The following VPS39 variants were observed in gnomAD, a reference collection of about 807,000 sequenced individuals.
VPS39 encodes VPS39 subunit of HOPS complex.
VPS39 carries 70 observed loss-of-function variants against 121.0 expected under a neutral mutation model. The ratio of observed to expected loss-of-function variants is 0.58; its 90% CI spans 0.48 to 0.71. The LOEUF (loss-of-function observed/expected upper bound fraction) is 0.71. VPS39 is among the 30% of genes least tolerant of loss of function. The pLI is 0.00. For missense variants in VPS39, 818 were observed against 1,051.5 expected (o/e 0.78, Z 3.07); for synonymous variants, 378 against 398.1 (o/e 0.95, Z 0.60).
chr15:42,197,360 A>G (rs1416197689), intron 2 of VPS39, among the ~76,000 whole-genome samples: 4 of 151,754 alleles, frequency 2.6e-5, no homozygotes, highest in African/African-American at 9.7e-5. Context: ...AAAAAAAAAA[A>G]AAGAAAAAAT....
intron 18 of VPS39, 27 bp downstream of exon 18, chr15:42,164,969 C>T (rs750016923): frequency 1.9e-6 from 3 of 1,613,848 alleles, no homozygotes; most frequent in Non-Finnish European, 1.7e-6. Flanking sequence ...GGCCTGGGGC[C>T]AACCGGCTTC....
chr15:42,187,836 C>T lies in VPS39; in HGVS notation c.363G>A (p.Glu121=). Residue 121 remains glutamate, a synonymous_variant, in exon 6 of 25, where the codon GAG becomes GAA. Transcript: ENST00000318006. ...CDLQHTETGE[E]VLRMCVAVKK... is the part of the protein sequence containing the mutation. ...TTACTGCCACACACATCCGTAACAC[C>T]TCCTCACCGGTCTCTGTGTGCTGGG... is the stretch of plus-strand genomic sequence containing the variant. 2.5e-6 allele frequency: 4 copies of T among 1,614,168 alleles called. No homozygotes were observed. Among genetic ancestry groups the T allele is most frequent in the Non-Finnish European group, 3.4e-6 (4 of 1,180,008 alleles).
chr15:42,203,400 G>T (rs369999985), intron 1 of VPS39, among the ~76,000 whole-genome samples: 6 of 152,034 alleles, frequency 3.9e-5, no homozygotes, highest in Non-Finnish European at 8.8e-5. Context: ...CATGAACCCC[G>T]GAGGGAGAGG....
Position 42,178,115 on chromosome 15 carries a change from A to G in VPS39, c.960+103T>C. 6 of 1,508,958 alleles carry G rather than the reference A, an allele frequency of 4.0e-6. No homozygotes were observed. In the South Asian group the frequency reaches 7.4e-5, roughly 19 times the overall value. The allele number at this position is 1,508,958 out of a possible 1,614,324, so 93.5% of individuals were successfully genotyped here. ...TATTCAAGGCCCTGGACTTTCAGCT[A>G]TGTGCTTATTCTACTAACCCAAAAT... On this transcript the variant is annotated intron_variant, in intron 10 of 24. Coordinates refer to ENST00000318006, the MANE Select transcript of VPS39 (RefSeq NM_015289.5).
chr15:42,169,669 A>G, intron 12 of VPS39, 55 bp downstream of exon 12: 1 of 1,525,450 alleles, frequency 6.6e-7, no homozygotes, highest in Non-Finnish European at 8.9e-7. Flanking sequence ...GCCACAAAGA[A>G]ACAAGTACTG....
Position 42,161,958 on chromosome 15 carries a change from G to A in VPS39, c.2460+74C>T, listed in dbSNP as rs141532333. ...CACTGTACAGGCTCTGCCTTGGTCAGAAGGGAACATGTGGACATTGTCTCA... is the reference window on the plus strand; with the variant it reads ...CACTGTACAGGCTCTGCCTTGGTCAAAAGGGAACATGTGGACATTGTCTCA... On this transcript the variant is annotated intron_variant, in intron 23 of 24. Transcript: ENST00000318006. The A allele has an allele frequency of 4.4e-3, 7,081 of 1,604,272 alleles. 35 individuals are homozygous for A. Among genetic ancestry groups the A allele is most frequent in the Middle Eastern group, 0.021 (123 of 5,986 alleles).
intron 24 of VPS39, 43 bp downstream of exon 24, chr15:42,161,639 C>A (rs1004672123): frequency 6.2e-7 from 1 of 1,600,208 alleles, no homozygotes; most frequent in South Asian, 1.1e-5. Context: ...CCCTGGGAAC[C>A]TCCACAAAGC....
At chr15:42,175,981 A>G (rs2049444064) in intron 10 of VPS39, among the ~76,000 whole-genome samples, 1 of 152,196 alleles carries the variant, frequency 6.6e-6, no homozygotes, top group South Asian at 2.1e-4. Flanking sequence ...TCCAGGACTT[A>G]TCAATGCCAA....
Position 42,162,416 on chromosome 15 carries a change from C to T in VPS39, c.2241G>A (p.Lys747=), listed in dbSNP as rs75922043. The T allele has an allele frequency of 6.2e-7, 1 of 1,613,794 alleles. No homozygotes were observed. Among genetic ancestry groups the T allele is most frequent in the Non-Finnish European group, 8.5e-7 (1 of 1,179,900 alleles). ...TGGCTTTTGGCTCCAGTAGTTCCAG[C>T]TTGATTGGCCCCAGGCAGTGAATGC... ...PPSIHCLGPI[K]LELLEPKANL... is the part of the protein sequence containing the mutation. The change falls in exon 22 of 25, where the codon AAG becomes AAA. Residue 747 remains lysine, a synonymous_variant. Transcript: ENST00000318006.
At chr15:42,160,953 C>T in intron 24 of VPS39, 124 bp from the exon 25 acceptor site, 1 of 906,962 alleles carries the variant, frequency 1.1e-6, no homozygotes, top group African/African-American at 1.6e-5. Flanking sequence ...CCACCCAAAC[C>T]TCAAAGAACA....
intron 1 of VPS39, among the ~76,000 whole-genome samples, chr15:42,204,810 T>C (rs890969154): frequency 6.6e-6 from 1 of 152,150 alleles, no homozygotes; most frequent in Admixed American, 6.5e-5. Context: ...TGGGCATCAT[T>C]TTAGTAATTT....
At chr15:42,202,942 TA>T (rs1297489518) in intron 1 of VPS39, among the ~76,000 whole-genome samples, 4 of 152,230 alleles carry the variant, frequency 2.6e-5, no homozygotes, top group Admixed American at 2.6e-4. Flanking sequence ...GTCAAATTCC[TA>T]AACATGACAT....
intron 11 of VPS39, among the ~76,000 whole-genome samples, chr15:42,172,518 T>C (rs1222304636): frequency 6.6e-6 from 1 of 152,240 alleles, no homozygotes; most frequent in Non-Finnish European, 1.5e-5. Flanking sequence ...TACTGTTACT[T>C]TAAGCCATAC....
intron 8 of VPS39, among the ~76,000 whole-genome samples, chr15:42,179,420 C>CA (rs1167220538): frequency 2.0e-5 from 3 of 149,148 alleles, no homozygotes; most frequent in Non-Finnish European, 4.5e-5. Context: ...AAAAAAAATA[C>CA]AAAAAAATTA....
At chr15:42,203,867 G>A (rs142182056) in intron 1 of VPS39, among the ~76,000 whole-genome samples, 39 of 152,314 alleles carry the variant, frequency 2.6e-4, no homozygotes, top group African/African-American at 9.1e-4. Flanking sequence ...CAGAGCACGC[G>A]CAGCATGGGA....
rs536868208 is a variant in VPS39 at position 42,199,745 on chromosome 15, C to T, written c.139+151G>A. The T allele has an allele frequency of 1.2e-5, 9 of 759,872 alleles. No homozygotes were observed. In the South Asian group the frequency reaches 1.9e-4, roughly 16 times the overall value. The allele number at this position is 759,872 out of a possible 1,614,324, so 47.1% of individuals were successfully genotyped here. A position where few individuals can be genotyped will look rare whatever the true frequency, so the allele number is the denominator to read the frequency against. ...GCAATACAATTTGGAGGAGAAAAAC[C>T]CTAGGCATTCTCAAGTCTTCTCCCC... On this transcript the variant is annotated intron_variant, in intron 2 of 24. Transcript: ENST00000318006.
chr15:42,207,497 C>T (rs532544315), intron 1 of VPS39, among the ~76,000 whole-genome samples: 17 of 152,266 alleles, frequency 1.1e-4, no homozygotes, highest in African/African-American at 3.9e-4. Context: ...GAAACTCTTC[C>T]GCCTACAGTT....
intron 7 of VPS39, 112 bp from the exon 8 acceptor site, chr15:42,184,812 G>A (rs2049666912): frequency 7.8e-6 from 8 of 1,030,272 alleles, no homozygotes; most frequent in Middle Eastern, 2.1e-4. Context: ...TTCCTTGTTT[G>A]ACATAAGAAA....
intron 8 of VPS39, among the ~76,000 whole-genome samples, chr15:42,182,141 T>C (rs966960346): frequency 1.3e-5 from 2 of 152,248 alleles, no homozygotes; most frequent in Non-Finnish European, 2.9e-5. Context: ...CTAAGTTATA[T>C]TTCTATCATT....
Sources: gnomAD v4.1 joint callset for allele counts (sites outside exome capture counted in the v4.1 genomes callset) on GRCh38, gnomAD v4.1.1 for gene constraint, MANE v1.5 for transcripts, NCBI Gene and HGNC (gene_info 2026-07-23, HGNC 2026-07-21) for gene names.